Variants in PDS5A observed in about 807,000 individuals in gnomAD.
PDS5A encodes the protein PDS5 cohesin associated factor A, also known as sister chromatid cohesion protein PDS5 homolog A.
In PDS5A, 42 loss-of-function variants were observed where a neutral mutation model predicts 167.1. That is an observed-to-expected ratio of 0.25 (90% confidence interval 0.20 to 0.33). The LOEUF is 0.33. Ranked by LOEUF, PDS5A falls within the 10% of genes least tolerant of loss-of-function variation. The pLI, the probability that PDS5A is intolerant of heterozygous loss-of-function variation, is 1.00. For missense variants in PDS5A, 1,033 were observed against 1,605.9 expected (o/e 0.64, Z 6.10); for synonymous variants, 553 against 554.6 (o/e 1.00, Z 0.04).
In PDS5A at chr4:39,906,932, A is replaced by C. The variant is rs564515412; in HGVS notation, c.1233+1463T>G. 9.0e-3 allele frequency among the ~76,000 whole-genome samples: 1,365 copies of C among 151,124 alleles called. 25 individuals carry two copies. The highest frequency in any genetic ancestry group is 0.031 in the African/African-American group (1,273 of 41,142). On this transcript the variant is annotated intron_variant, in intron 11 of 32. Coordinates refer to ENST00000303538, the MANE Select transcript of PDS5A (RefSeq NM_001100399.2). ...ATTTCTTACATAAAAAAAAAAAAAAAAAAAAAAAAAACAAGCAATAAAATC... is the reference window on the plus strand; with the variant it reads ...ATTTCTTACATAAAAAAAAAAAAAACAAAAAAAAAAACAAGCAATAAAATC...
At chr4:39,962,124 C>A (rs1355949410) in intron 2 of PDS5A, among the ~76,000 whole-genome samples, 1 of 151,778 alleles carries the variant, frequency 6.6e-6, no homozygotes, top group Non-Finnish European at 1.5e-5. Context: ...GTGGCACAAT[C>A]TCAGCTCACT....
chr4:39,877,796 G>A (rs888844637), intron 18 of PDS5A, among the ~76,000 whole-genome samples: 1 of 151,902 alleles, frequency 6.6e-6, no homozygotes, highest in Non-Finnish European at 1.5e-5. Context: ...TTGTAGAGAT[G>A]AGGTCTAGCT....
chr4:39,844,751 C>T lies in PDS5A; in HGVS notation c.3453G>A (p.Thr1151=), dbSNP rs756823162. 22 of 1,613,392 alleles carry T rather than the reference C, an allele frequency of 1.4e-5. No homozygotes were observed. Among genetic ancestry groups the T allele is most frequent in the Middle Eastern group, 1.6e-4 (1 of 6,084 alleles). Residue 1151 remains threonine, a synonymous_variant, in exon 30 of 33, where the codon ACG becomes ACA. Coordinates refer to ENST00000303538, the MANE Select transcript of PDS5A (RefSeq NM_001100399.2). ...LGAVNKPLSA[T]GRKPYVRSTG... The stretch of plus-strand genomic sequence containing the variant: ...TGCTTCTAACATAGGGTTTCCTTCC[C>T]GTTGCTGATAAAGGCTTATTTACTG...
intron 2 of PDS5A, among the ~76,000 whole-genome samples, chr4:39,938,953 A>G (rs1230552649): frequency 2.0e-5 from 3 of 151,958 alleles, no homozygotes; most frequent in African/African-American, 7.3e-5. Context: ...CTGGCAACAC[A>G]GCGAGACTCC....
At chr4:39,927,078 C>T (rs1725543229) in intron 3 of PDS5A, among the ~76,000 whole-genome samples, 2 of 152,230 alleles carry the variant, frequency 1.3e-5, no homozygotes, top group South Asian at 2.1e-4. Flanking sequence ...AACTATAAAT[C>T]TTTAGGCTTT....
At chr4:39,842,909 T>TATA (rs1717167841) in intron 30 of PDS5A, among the ~76,000 whole-genome samples, 6 of 92,306 alleles carry the variant, frequency 6.5e-5, no homozygotes, top group East Asian at 7.7e-4. Context: ...TATCCTATTT[T>TATA]TATATATATA....
chr4:39,973,594 T>A, intron 2 of PDS5A: 1 of 1,280,748 alleles, frequency 7.8e-7, no homozygotes, highest in Non-Finnish European at 1.1e-6. Flanking sequence ...TGGTTTCGTA[T>A]GTTTCTCCTT....
At chr4:39,848,226 G>T (rs1014759943) in intron 28 of PDS5A, 1 of 153,350 alleles carries the variant, frequency 6.5e-6, no homozygotes, top group Non-Finnish European at 1.4e-5. Flanking sequence ...AGGAGAAAGT[G>T]AAACAAGTTT....
At chr4:39,860,087 A>C (rs770810866) in intron 26 of PDS5A, among the ~76,000 whole-genome samples, 30 of 152,190 alleles carry the variant, frequency 2.0e-4, no homozygotes, top group Non-Finnish European at 3.1e-4. Context: ...AGAGAAAAAA[A>C]AAGGTTTCTC....
chr4:39,861,816 T>G (rs1367548592), intron 26 of PDS5A, among the ~76,000 whole-genome samples: 2 of 152,220 alleles, frequency 1.3e-5, no homozygotes, highest in East Asian at 3.8e-4. Flanking sequence ...TTAAAAGATA[T>G]TTGAAAGTGT....
At chr4:39,851,987 A>G (rs1243326349) in intron 26 of PDS5A, among the ~76,000 whole-genome samples, 3 of 152,248 alleles carry the variant, frequency 2.0e-5, no homozygotes, top group Non-Finnish European at 4.4e-5. Flanking sequence ...AAATCTTGCA[A>G]TAAGGTTTTA....
rs375465238 is a variant in PDS5A at position 39,835,235 on chromosome 4, G to A, written c.4010+2621C>T. Among the ~76,000 whole-genome samples, 9 of 152,116 alleles carry A rather than the reference G, an allele frequency of 5.9e-5. No homozygotes were observed. The East Asian group carries it at 7.7e-4, about 13-fold the overall frequency. On this transcript the variant is annotated intron_variant, in intron 32 of 32. Transcript: ENST00000303538. ...GCTGGGATTATAGGTGTGAGCCACC[G>A]CACCTGGCCATAAACATTTAATTTA... is the stretch of plus-strand genomic sequence containing the variant.
At chr4:39,832,809 G>A (rs944814504) in intron 32 of PDS5A, among the ~76,000 whole-genome samples, 2 of 151,914 alleles carry the variant, frequency 1.3e-5, no homozygotes, top group Non-Finnish European at 2.9e-5. Context: ...AGTGAGCCAT[G>A]ATGGTGCCAC....
chr4:39,879,589 A>G (rs1045251553), intron 18 of PDS5A, 139 bp downstream of exon 18: 3 of 529,236 alleles, frequency 5.7e-6, no homozygotes, highest in Non-Finnish European at 1.0e-5. Context: ...CATTACTTTT[A>G]CATCATCTAA....
chr4:39,868,100 T>C (rs1203491084), intron 22 of PDS5A, among the ~76,000 whole-genome samples: 3 of 152,154 alleles, frequency 2.0e-5, no homozygotes, highest in African/African-American at 2.4e-5. Flanking sequence ...AAGAAGATGA[T>C]ACAATCTTAT....
intron 16 of PDS5A, among the ~76,000 whole-genome samples, chr4:39,892,631 T>G (rs1722072749): frequency 6.6e-6 from 1 of 152,226 alleles, no homozygotes; most frequent in African/African-American, 2.4e-5. Context: ...TTCTGCAAGC[T>G]CCATGAGAAA....
intron 2 of PDS5A, among the ~76,000 whole-genome samples, chr4:39,947,263 A>G (rs1043106455): frequency 1.3e-5 from 2 of 152,052 alleles, no homozygotes; most frequent in Non-Finnish European, 2.9e-5. Context: ...AGACCAGCCT[A>G]GCTAACATTG....
rs769092208 is a variant in PDS5A, at chr4:39,862,977, A to G, written c.2863T>C (p.Leu955=). 3.7e-6 allele frequency: 6 copies of G among 1,612,734 alleles called. No homozygotes were observed. The South Asian group carries it at 6.6e-5, about 18-fold the overall frequency. ...LPLEYMAIFA[L]CAKDPVKERR... ...TCCTTCACAGGATCTTTGGCACACA[A>G]GGCAAAGATCGCCATATACTCCAAT... The change falls in exon 25 of 33, where the codon TTG becomes CTG. Residue 955 remains leucine, a synonymous_variant. Transcript: ENST00000303538.
intron 2 of PDS5A, among the ~76,000 whole-genome samples, chr4:39,969,994 T>C (rs1424047683): frequency 6.6e-6 from 1 of 151,192 alleles, no homozygotes; most frequent in Non-Finnish European, 1.5e-5. Context: ...AGTCTCGCCC[T>C]GTTGCCCAGG....
Sources: allele counts gnomAD v4.1 joint callset (sites outside exome capture counted in the v4.1 genomes callset), GRCh38; gene constraint gnomAD v4.1.1; transcripts MANE v1.5; gene names NCBI Gene and HGNC (gene_info 2026-07-23, HGNC 2026-07-21).